The following COL23A1 variants were observed in gnomAD, a reference collection of about 807,000 sequenced individuals.
The protein encoded by COL23A1 is collagen alpha-1(XXIII) chain.
A neutral mutation model predicts 99.3 loss-of-function variants in COL23A1; 97 were observed. That is an observed-to-expected ratio of 0.98 (90% confidence interval 0.83 to 1.16). The LOEUF is 1.16. COL23A1 is among the 50% of genes most tolerant of loss of function. The pLI is 0.00. For missense variants in COL23A1, 762 were observed against 757.4 expected (o/e 1.01, Z -0.07); for synonymous variants, 320 against 308.2 (o/e 1.04, Z -0.40).
At chr5:178,332,097 C>T (rs1167248923) in intron 2 of COL23A1, among the ~76,000 whole-genome samples, 1 of 152,198 alleles carries the variant, frequency 6.6e-6, no homozygotes, top group Non-Finnish European at 1.5e-5. Flanking sequence ...CCGGGACTAC[C>T]CCAGGGTGCA....
intron 2 of COL23A1, among the ~76,000 whole-genome samples, chr5:178,400,284 G>A (rs942541540): frequency 2.7e-5 from 4 of 146,964 alleles, no homozygotes; most frequent in African/African-American, 5.1e-5. Flanking sequence ...GGAGAATGGC[G>A]TGAACCTGGG....
At chr5:178,480,308 C>T (rs1334557253) in intron 2 of COL23A1, among the ~76,000 whole-genome samples, 1 of 152,192 alleles carries the variant, frequency 6.6e-6, no homozygotes, top group Non-Finnish European at 1.5e-5. Context: ...AGGTTCCAGA[C>T]CCGGACTCTG....
intron 2 of COL23A1, among the ~76,000 whole-genome samples, chr5:178,554,336 G>A (rs1226737991): frequency 6.6e-6 from 1 of 152,028 alleles, no homozygotes; most frequent in Non-Finnish European, 1.5e-5. Flanking sequence ...GTGCCACTAT[G>A]CCCAGCTAAT....
At chr5:178,545,919 T>C (rs1761553578) in intron 2 of COL23A1, among the ~76,000 whole-genome samples, 1 of 152,160 alleles carries the variant, frequency 6.6e-6, no homozygotes, top group Non-Finnish European at 1.5e-5. Flanking sequence ...GGGTACATCG[T>C]ATTACCCCAT....
intron 5 of COL23A1, 76 bp downstream of exon 5, chr5:178,288,248 T>A: frequency 7.9e-7 from 1 of 1,258,658 alleles, no homozygotes; most frequent in Non-Finnish European, 1.2e-6. Context: ...CAGACAGAGT[T>A]AAATCAAGGC....
rs140395568 is a variant in COL23A1 at position 178,336,047 on chromosome 5, A to G, written c.362-29128T>C. On this transcript the variant is annotated intron_variant, in intron 2 of 28. Transcript: ENST00000390654. ...TGGGGACGAAGAAGCCCTCTTTAGC[A>G]TGAGTGGAATAAGCCAGGTGCCCAA... 4.6e-3 allele frequency among the ~76,000 whole-genome samples: 708 copies of G among 152,316 alleles called. 5 individuals are homozygous for G. Among genetic ancestry groups the G allele is most frequent in the African/African-American group, 0.016 (662 of 41,560 alleles).
Position 178,357,492 on chromosome 5 carries a change from C to T in COL23A1, c.362-50573G>A, listed in dbSNP as rs796505323. 3.9e-5 allele frequency among the ~76,000 whole-genome samples: 6 copies of T among 152,316 alleles called. No homozygotes were observed. In the South Asian group the frequency reaches 1.2e-3, roughly 32 times the overall value. ...AACTGTGCGCCTTTGAGGTTTTAAC[C>T]GTCCGCTGGGGAAACAAGTGAGTTC... is the stretch of plus-strand genomic sequence containing the variant. On this transcript the variant is annotated intron_variant, in intron 2 of 28. Transcript: ENST00000390654.
intron 2 of COL23A1, among the ~76,000 whole-genome samples, chr5:178,358,717 GTA>G (rs1561899029): frequency 3.4e-5 from 4 of 116,088 alleles, no homozygotes; most frequent in East Asian, 5.0e-4. Flanking sequence ...GTGTATGTGT[GTA>G]TGTGTATGTG....
rs1160428056 is a variant in COL23A1 at position 178,302,440 on chromosome 5, T to TG, written c.406+4434_406+4435insC. On this transcript the variant is annotated intron_variant, in intron 3 of 28. Coordinates refer to ENST00000390654, the MANE Select transcript of COL23A1 (RefSeq NM_173465.4). ...TGTGTGCGCCGGAGCACGGCTTCAA[T>TG]CCACCTCTGTGTGTGCCGGAGCACG... is the stretch of plus-strand genomic sequence containing the variant. 1.4e-3 allele frequency among the ~76,000 whole-genome samples: 154 copies of TG among 108,134 alleles called. 4 individuals carry two copies. The highest frequency in any genetic ancestry group is 5.6e-3 in the African/African-American group (146 of 25,974). The allele number at this position is 108,134 out of a possible 152,430, so 70.9% of individuals were successfully genotyped here.
intron 2 of COL23A1, among the ~76,000 whole-genome samples, chr5:178,559,129 C>G (rs1762427626): frequency 1.3e-5 from 2 of 152,284 alleles, no homozygotes; most frequent in South Asian, 4.1e-4. Flanking sequence ...GAGTCATTCC[C>G]TTGTCAAATC....
At chr5:178,527,402 C>A (rs1006459272) in intron 2 of COL23A1, among the ~76,000 whole-genome samples, 2 of 152,156 alleles carry the variant, frequency 1.3e-5, no homozygotes, top group African/African-American at 4.8e-5. Flanking sequence ...GTCCTGAGAT[C>A]AGCGGTTGAC....
At chr5:178,328,390 A>T (rs1418976825) in intron 2 of COL23A1, among the ~76,000 whole-genome samples, 1 of 152,226 alleles carries the variant, frequency 6.6e-6, no homozygotes, top group Non-Finnish European at 1.5e-5. Flanking sequence ...CACTAGAGGA[A>T]CAAAACCAAA....
intron 1 of COL23A1, among the ~76,000 whole-genome samples, chr5:178,568,184 T>C (rs1416261969): frequency 6.6e-6 from 1 of 152,128 alleles, no homozygotes; most frequent in African/African-American, 2.4e-5. Flanking sequence ...TTAATATGTC[T>C]CAAAACTGTC....
chr5:178,343,091 G>A (rs530134072), intron 2 of COL23A1, among the ~76,000 whole-genome samples: 23 of 152,336 alleles, frequency 1.5e-4, no homozygotes, highest in African/African-American at 5.5e-4. Context: ...TGTCACCCAA[G>A]TGTGAGGGCA....
chr5:178,262,967 T>C (rs115145543), intron 9 of COL23A1, among the ~76,000 whole-genome samples: 3,134 of 152,094 alleles, frequency 0.021, 108 homozygotes, highest in African/African-American at 0.072. Context: ...AAGGTTCGAA[T>C]GGGATTAAGG....
chr5:178,365,569 C>T lies in COL23A1; in HGVS notation c.362-58650G>A, dbSNP rs1762427473. ...TGAGGGGTCCTCAGGTCTGGCTGGG[C>T]CCACCTGGCTGCTTCCTGGTCTCTA... On this transcript the variant is annotated intron_variant, in intron 2 of 28. Transcript: ENST00000390654. This position sits in a 1 kb window ranked among gnomAD's most constrained non-coding sequence, Gnocchi z 5.2. Among the ~76,000 whole-genome samples the T allele has an allele frequency of 6.6e-6, 1 of 152,164 alleles. No homozygotes were observed. Among genetic ancestry groups the T allele is most frequent in the Non-Finnish European group, 1.5e-5 (1 of 68,026 alleles).
intron 2 of COL23A1, among the ~76,000 whole-genome samples, chr5:178,461,140 G>A (rs987408147): frequency 1.3e-5 from 2 of 152,156 alleles, no homozygotes; most frequent in Admixed American, 6.5e-5. Context: ...CCCAGGAGCC[G>A]AATTCCTCGT....
intron 2 of COL23A1, among the ~76,000 whole-genome samples, chr5:178,553,166 T>G (rs1174804311): frequency 1.8e-5 from 1 of 56,288 alleles, no homozygotes; most frequent in Non-Finnish European, 3.5e-5. Flanking sequence ...TGAGATCCTA[T>G]CTTAAAAAAA....
chr5:178,372,685 G>A (rs1265800680), intron 2 of COL23A1, among the ~76,000 whole-genome samples: 1 of 151,840 alleles, frequency 6.6e-6, no homozygotes, highest in Non-Finnish European at 1.5e-5. Flanking sequence ...CCACCCTCCC[G>A]TCTCAGCCTC....
Sources: allele counts gnomAD v4.1 joint callset (sites outside exome capture counted in the v4.1 genomes callset), GRCh38; gene constraint gnomAD v4.1.1; non-coding constraint Gnocchi (gnomAD v3.1); transcripts MANE v1.5; gene names NCBI Gene and HGNC (gene_info 2026-07-23, HGNC 2026-07-21).